Variants in TRAK1 observed in about 807,000 individuals in gnomAD.
TRAK1 encodes the protein trafficking kinesin-binding protein 1.
Under a neutral mutation model 92.1 loss-of-function variants are expected in TRAK1, and 33 were observed. That is an observed-to-expected ratio of 0.36 (90% CI 0.27 to 0.48). The LOEUF is 0.48. Ranked by LOEUF, TRAK1 falls within the 20% of genes least tolerant of loss-of-function variation. The probability of loss-of-function intolerance (pLI) is 0.99; values close to 1 mark genes in which losing one functional copy is unlikely to be tolerated. For synonymous variants in TRAK1, 521 were observed against 517.3 expected, an observed-to-expected ratio of 1.01 and a Z score of -0.10; for missense variants, 1,123 against 1,257.9, an observed-to-expected ratio of 0.89 and a Z score of 1.62.
At chr3:42,018,920 G>A (rs192613156) in intron 1 of TRAK1, among the ~76,000 whole-genome samples, 61 of 152,174 alleles carry the variant, frequency 4.0e-4, no homozygotes, top group East Asian at 3.7e-3. Context: ...TCATGAGATC[G>A]AGACCATCCT....
At chr3:42,071,131 T>C (rs1215722635) in intron 1 of TRAK1, among the ~76,000 whole-genome samples, 1 of 152,190 alleles carries the variant, frequency 6.6e-6, no homozygotes, top group Non-Finnish European at 1.5e-5. Context: ...CCAATATTGC[T>C]CTTTTCCTTG....
chr3:42,069,583 A>G (rs1461899811), intron 1 of TRAK1, among the ~76,000 whole-genome samples: 1 of 152,064 alleles, frequency 6.6e-6, no homozygotes, highest in Non-Finnish European at 1.5e-5. Context: ...TATATTCTGT[A>G]CTTTGTTTTG....
intron 2 of TRAK1, among the ~76,000 whole-genome samples, chr3:42,153,943 C>T (rs1434652386): frequency 2.0e-5 from 3 of 152,018 alleles, no homozygotes; most frequent in African/African-American, 7.2e-5. Flanking sequence ...ACACAGCACT[C>T]TCCTCTGTGG....
intron 6 of TRAK1, among the ~76,000 whole-genome samples, chr3:42,189,596 G>C (rs1485043493): frequency 6.6e-6 from 1 of 151,938 alleles, no homozygotes; most frequent in Admixed American, 6.6e-5. Flanking sequence ...GCAGTGGTGC[G>C]ATCTTGGCTC....
intron 2 of TRAK1, chr3:42,146,026 C>A: frequency 2.5e-6 from 1 of 400,456 alleles, no homozygotes; most frequent in Non-Finnish European, 4.8e-6. Flanking sequence ...CTCTTAAATA[C>A]TTTGGCTTCA....
chr3:42,116,084 A>C (rs567847988), intron 1 of TRAK1, among the ~76,000 whole-genome samples: 88 of 152,356 alleles, frequency 5.8e-4, no homozygotes, highest in African/African-American at 1.7e-3. Flanking sequence ...TTGAACACTT[A>C]CTAGTTACCA....
At chr3:42,057,667 A>G (rs1703254034) in intron 1 of TRAK1, among the ~76,000 whole-genome samples, 1 of 152,058 alleles carries the variant, frequency 6.6e-6, no homozygotes, top group Admixed American at 6.6e-5. Flanking sequence ...TGATCTGAGG[A>G]GAACCTGCTG....
At chr3:42,180,302 A>C (rs7621488) in intron 3 of TRAK1, among the ~76,000 whole-genome samples, 89,879 of 151,876 alleles carry the variant, frequency 0.59, 27,229 homozygotes, top group East Asian at 0.95. Flanking sequence ...AGATACTTTG[A>C]TAAAGGCATA....
intron 1 of TRAK1, among the ~76,000 whole-genome samples, chr3:42,100,257 C>T (rs2149010926): frequency 6.6e-6 from 1 of 152,264 alleles, no homozygotes; most frequent in East Asian, 1.9e-4. Context: ...GTCCCAGCTA[C>T]TTGGGAGGCT....
chr3:42,025,844 G>A (rs867832100), intron 1 of TRAK1, among the ~76,000 whole-genome samples: 2 of 152,244 alleles, frequency 1.3e-5, no homozygotes, highest in Non-Finnish European at 2.9e-5. Flanking sequence ...GTTCTTAGGC[G>A]GTGTTCCAGC....
At chr3:42,100,605 G>T (rs1706609752) in intron 1 of TRAK1, among the ~76,000 whole-genome samples, 1 of 152,136 alleles carries the variant, frequency 6.6e-6, no homozygotes, top group South Asian at 2.1e-4. Flanking sequence ...TCTGATGGGG[G>T]TGTAATTTCA....
intron 2 of TRAK1, chr3:42,160,250 C>T: frequency 5.2e-6 from 8 of 1,532,794 alleles, no homozygotes; most frequent in Non-Finnish European, 7.0e-6. Flanking sequence ...GGCCAGGGCG[C>T]AGTGTGTGCC....
At position 42,202,540 on chromosome 3, in the gene TRAK1, C is replaced by T. The variant is rs148722617; in HGVS notation, c.1532C>T (p.Ser511Leu). 1.4e-5 allele frequency: 22 copies of T among 1,568,638 alleles called. No individual in the cohort carries two copies. Among genetic ancestry groups the T allele is most frequent in the African/African-American group, 5.4e-5 (4 of 73,674 alleles). Residue 511 changes from serine (S) to leucine (L), a missense_variant, in exon 13 of 16, where the codon TCG (serine) becomes TTG (leucine). This residue lies in a region of TRAK1 where 686 missense variants were observed against 747.6 expected (regional missense o/e 0.92). Coordinates refer to ENST00000327628, the MANE Select transcript of TRAK1 (RefSeq NM_001042646.3). This position sits in a 1 kb window ranked among gnomAD's most constrained non-coding sequence, Gnocchi z 6.1. ...TCCCTGCGCCGGGAGAACTACCTCT[C>T]GGAGAGGAGGTTCTTTGAGGAGGAG... ...RLSLRRENYL[S>L]ERRFFEEEQE...
At chr3:42,199,370 T>C (rs1707204514) in intron 11 of TRAK1, 117 bp downstream of exon 11, 2 of 949,278 alleles carry the variant, frequency 2.1e-6, no homozygotes. Context: ...CTATTGTCCT[T>C]CCCAGTCCAG....
At chr3:42,187,582 C>G (rs918553765) in intron 4 of TRAK1, among the ~76,000 whole-genome samples, 1 of 152,126 alleles carries the variant, frequency 6.6e-6, no homozygotes, top group African/African-American at 2.4e-5. Context: ...ATTCTCCTGC[C>G]TCAGCCTCCC....
intron 3 of TRAK1, among the ~76,000 whole-genome samples, chr3:42,182,474 G>T (rs1198050387): frequency 1.3e-5 from 2 of 151,818 alleles, no homozygotes; most frequent in African/African-American, 4.8e-5. Flanking sequence ...TGTATTTTTA[G>T]CAGAGACGGG....
chr3:42,060,827 C>T (rs1171543331), intron 1 of TRAK1, among the ~76,000 whole-genome samples: 2 of 152,006 alleles, frequency 1.3e-5, no homozygotes, highest in South Asian at 2.1e-4. Context: ...AACGGAGTTT[C>T]GCCATGTTGG....
chr3:42,213,730 A>G (rs937874122), intron 14 of TRAK1, among the ~76,000 whole-genome samples: 3 of 152,212 alleles, frequency 2.0e-5, no homozygotes, highest in African/African-American at 7.2e-5. Flanking sequence ...TGGGGGCTTG[A>G]TGGGTCTGGA....
At chr3:42,128,997 T>G in intron 2 of TRAK1, among the ~76,000 whole-genome samples, 1 of 152,254 alleles carries the variant, frequency 6.6e-6, no homozygotes, top group African/African-American at 2.4e-5. Flanking sequence ...TTGTCGTTGT[T>G]AATATCCCAG....
Sources: gnomAD v4.1 joint callset for allele counts (sites outside exome capture counted in the v4.1 genomes callset) on GRCh38, gnomAD v4.1.1 for gene constraint, gnomAD v4.1.1 regional missense constraint, Gnocchi (gnomAD v3.1) non-coding constraint, MANE v1.5 for transcripts, NCBI Gene and HGNC (gene_info 2026-07-23, HGNC 2026-07-21) for gene names.